CFTR: variants seen among roughly 807,000 people sequenced by gnomAD.
CFTR encodes CF transmembrane conductance regulator.
In CFTR, 181 loss-of-function variants were observed where a neutral mutation model predicts 171.6. The observed-to-expected ratio is 1.05, with a 90% CI of 0.93 to 1.19. CFTR has a LOEUF of 1.19. Among genes scored for constraint, CFTR ranks in the 50% most tolerant of loss-of-function variants. The pLI, the probability that CFTR is intolerant of heterozygous loss-of-function variation, is 0.00. For synonymous variants in CFTR, 583 were observed against 608.0 expected (o/e 0.96, Z 0.60); for missense variants, 1,968 against 1,734.7 (o/e 1.13, Z -2.39).
intron 11 of CFTR, among the ~76,000 whole-genome samples, chr7:117,581,027 C>A (rs1791842287): frequency 6.6e-6 from 1 of 151,980 alleles, no homozygotes; most frequent in Non-Finnish European, 1.5e-5. Flanking sequence ...GTATATCCTC[C>A]CTCAATTCGT....
intron 11 of CFTR, among the ~76,000 whole-genome samples, chr7:117,578,876 TG>T (rs1791811705): frequency 6.6e-6 from 1 of 152,114 alleles, no homozygotes; most frequent in Non-Finnish European, 1.5e-5. Context: ...TTAAGATATA[TG>T]TTAAACCCTT....
rs200466754 is a variant in CFTR, at chr7:117,528,702, G to A, written c.274-2197G>A. Among the ~76,000 whole-genome samples the A allele has an allele frequency of 2.9e-4, 27 of 93,754 alleles. No individual in the cohort carries two copies. Among genetic ancestry groups the A allele is most frequent in the East Asian group, 4.0e-4 (1 of 2,520 alleles). 61.5% of individuals were successfully genotyped at this position (93,754 alleles called of 152,430 possible). On this transcript the variant is annotated intron_variant, in intron 3 of 26. Transcript: ENST00000003084. ...CAAACAACCCCATCAAAAAGTGGGC[G>A]AAGGACATGAACAGACACTACTCAA...
intron 1 of CFTR, among the ~76,000 whole-genome samples, chr7:117,490,312 TACACACACACACACAC>T (rs3034759): frequency 3.7e-5 from 5 of 136,882 alleles, no homozygotes; most frequent in South Asian, 5.3e-4. Context: ...GAACCAATGA[TACACACACACACACAC>T]ACACACACAC....
intron 20 of CFTR, among the ~76,000 whole-genome samples, chr7:117,612,042 T>C (rs1562915142): frequency 4.0e-5 from 3 of 74,928 alleles, no homozygotes; most frequent in Non-Finnish European, 8.4e-5. Flanking sequence ...TATATATATA[T>C]ATATATATAT....
chr7:117,608,734 T>C (rs1419042258), intron 18 of CFTR, among the ~76,000 whole-genome samples: 3 of 152,212 alleles, frequency 2.0e-5, no homozygotes, highest in Non-Finnish European at 2.9e-5. Flanking sequence ...GTTATACTTA[T>C]GTTTTACCTC....
chr7:117,484,186 C>G (rs2116609859), intron 1 of CFTR, among the ~76,000 whole-genome samples: 1 of 152,264 alleles, frequency 6.6e-6, no homozygotes, highest in East Asian at 1.9e-4. Flanking sequence ...AGGGTTTAGT[C>G]TAGGTCTGAT....
intron 1 of CFTR, among the ~76,000 whole-genome samples, chr7:117,500,412 G>A (rs548335381): frequency 2.1e-5 from 3 of 146,292 alleles, no homozygotes; most frequent in Admixed American, 1.4e-4. Context: ...TCAGCCTCCC[G>A]CGTAGCTGGG....
chr7:117,506,328 A>G (rs1228876263), intron 2 of CFTR, among the ~76,000 whole-genome samples: 1 of 151,938 alleles, frequency 6.6e-6, no homozygotes, highest in African/African-American at 2.4e-5. Flanking sequence ...CTCACTGCAA[A>G]CTTCGTCTCC....
At chr7:117,545,200 G>C (rs1234267482) in intron 9 of CFTR, among the ~76,000 whole-genome samples, 1 of 152,158 alleles carries the variant, frequency 6.6e-6, no homozygotes. Flanking sequence ...TAAACCACCA[G>C]GTCTTGTGAG....
intron 11 of CFTR, among the ~76,000 whole-genome samples, chr7:117,564,304 G>A (rs780829335): frequency 2.0e-5 from 3 of 152,130 alleles, no homozygotes; most frequent in Non-Finnish European, 4.4e-5. Flanking sequence ...GAAAGTGCTC[G>A]GTTATCTTGA....
intron 15 of CFTR, among the ~76,000 whole-genome samples, chr7:117,598,618 G>A (rs1182116129): frequency 6.6e-6 from 1 of 152,134 alleles, no homozygotes; most frequent in Admixed American, 6.5e-5. Flanking sequence ...TAAACCATTT[G>A]TTTCCATTTG....
chr7:117,579,325 C>A (rs1294806971), intron 11 of CFTR, among the ~76,000 whole-genome samples: 1 of 151,712 alleles, frequency 6.6e-6, no homozygotes. Flanking sequence ...AAATACATCC[C>A]AATGAGGTTG....
At chr7:117,545,686 A>G (rs1028104190) in intron 9 of CFTR, among the ~76,000 whole-genome samples, 9 of 152,212 alleles carry the variant, frequency 5.9e-5, no homozygotes, top group African/African-American at 2.2e-4. Flanking sequence ...GCTGAGGCTT[A>G]GACAGTTTAA....
rs548404711 is a variant in CFTR at position 117,484,090 on chromosome 7, T to C, written c.53+3943T>C. Among the ~76,000 whole-genome samples the C allele has an allele frequency of 1.1e-4, 17 of 152,326 alleles. 2 individuals carry two copies. Among genetic ancestry groups the C allele is most frequent in the Middle Eastern group, 6.8e-3 (2 of 294 alleles). On this transcript the variant is annotated intron_variant, in intron 1 of 26. Coordinates refer to ENST00000003084, the MANE Select transcript of CFTR (RefSeq NM_000492.4). ...TTGCAATTTGTGAGGAAAGCTAAAA[T>C]TATGGCTAAGCCATAAATATTTTTG...
chr7:117,499,180 C>T (rs1405194856), intron 1 of CFTR, among the ~76,000 whole-genome samples: 1 of 152,030 alleles, frequency 6.6e-6, no homozygotes, highest in Non-Finnish European at 1.5e-5. Context: ...GATCTGATAT[C>T]CATGACCTTC....
intron 3 of CFTR, among the ~76,000 whole-genome samples, chr7:117,509,753 C>T (rs1217409378): frequency 6.6e-6 from 1 of 152,138 alleles, no homozygotes; most frequent in Non-Finnish European, 1.5e-5. Context: ...GTATGTTCCC[C>T]AGTTGCTGTC....
chr7:117,652,479 T>C (rs1339966369), intron 23 of CFTR, among the ~76,000 whole-genome samples: 2 of 152,166 alleles, frequency 1.3e-5, no homozygotes, highest in African/African-American at 4.8e-5. Context: ...CATAAACTTA[T>C]TGGGTTTTTT....
At chr7:117,610,057 T>TA in intron 18 of CFTR, among the ~76,000 whole-genome samples, 1 of 151,570 alleles carries the variant, frequency 6.6e-6, no homozygotes, top group African/African-American at 2.4e-5. Flanking sequence ...TATGCAGCCA[T>TA]AAAAAATGAT....
At chr7:117,570,259 A>G (rs1014477499) in intron 11 of CFTR, among the ~76,000 whole-genome samples, 6 of 152,040 alleles carry the variant, frequency 3.9e-5, no homozygotes, top group African/African-American at 1.4e-4. Context: ...AGAAAGACAG[A>G]AGGTCCTCCA....
Sources: allele counts gnomAD v4.1 joint callset (sites outside exome capture counted in the v4.1 genomes callset), GRCh38; gene constraint gnomAD v4.1.1; transcripts MANE v1.5; gene names NCBI Gene and HGNC (gene_info 2026-07-23, HGNC 2026-07-21).